The following ZNF318 variants were observed in gnomAD, a reference collection of about 807,000 sequenced individuals.
ZNF318 encodes zinc finger protein 318.
Under a neutral mutation model 124.2 loss-of-function variants are expected in ZNF318, and 51 were observed. The ratio of observed to expected loss-of-function variants is 0.41; its 90% confidence interval spans 0.33 to 0.52. The LOEUF (loss-of-function observed/expected upper bound fraction) is 0.52. ZNF318 is among the 20% of genes least tolerant of loss of function. The pLI is 0.23. For missense variants in ZNF318, 2,815 were observed against 2,811.2 expected (o/e 1.00, Z -0.03); for synonymous variants, 1,090 against 1,040.7 (o/e 1.05, Z -0.91).
At chr6:43,362,979 A>C in intron 2 of ZNF318, among the ~76,000 whole-genome samples, 1 of 152,192 alleles carries the variant, frequency 6.6e-6, no homozygotes, top group East Asian at 1.9e-4. Context: ...GTAGGGGGCA[A>C]CAGTATTTTT....
In ZNF318 at chr6:43,337,353, T is replaced by G; in HGVS notation, c.6645A>C (p.Ala2215=). 6.2e-7 allele frequency: 1 copy of G among 1,614,178 alleles called. No homozygotes were observed. The highest frequency in any genetic ancestry group is 8.5e-7 in the Non-Finnish European group (1 of 1,180,018). ...LGPLQLEISN[A]STTEVAILQV... ...GCAGAATTGCCACCTCTGTGGTGGA[T>G]GCATTCGATATTTCTAGCTGTAATG... is the stretch of plus-strand genomic sequence containing the variant. The change falls in exon 10 of 10, where the codon GCA becomes GCC. Residue 2215 remains alanine (A), a synonymous_variant. Transcript: ENST00000361428.
chr6:43,351,275 T>C (rs2150752901), intron 5 of ZNF318, among the ~76,000 whole-genome samples: 1 of 152,332 alleles, frequency 6.6e-6, no homozygotes, highest in African/African-American at 2.4e-5. Flanking sequence ...AATCTTGCAC[T>C]TTGTTTTGCT....
chr6:43,357,013 G>A (rs968344716), intron 3 of ZNF318, 113 bp downstream of exon 3: 23 of 1,270,130 alleles, frequency 1.8e-5, no homozygotes, highest in Non-Finnish European at 2.4e-5. Context: ...TCACAATGTC[G>A]GTCCAGCACA....
At position 43,337,913 on chromosome 6, in the gene ZNF318, C is replaced by A; in HGVS notation, c.6085G>T (p.Val2029Leu). The A allele has an allele frequency of 1.2e-6, 2 of 1,614,202 alleles. No homozygotes were observed. Among genetic ancestry groups the A allele is most frequent in the Non-Finnish European group, 8.5e-7 (1 of 1,180,034 alleles). The part of the protein sequence containing the change: ...DMPVDFCTTR[V>L]SPAHRSPTVL... ...GTTGGGGATCTATGTGCTGGGCTTA[C>A]CCGAGTAGTGCAGAAATCAACAGGC... is the stretch of plus-strand genomic sequence containing the variant. Residue 2029 changes from valine to leucine, a missense_variant, in exon 10 of 10, where the codon GTA becomes TTA. By Grantham distance (32) the Val-to-Leu change is conservative. Coordinates refer to ENST00000361428, the MANE Select transcript of ZNF318 (RefSeq NM_014345.3).
intron 9 of ZNF318, 87 bp downstream of exon 9, chr6:43,340,703 C>A (rs1779363397): frequency 4.6e-6 from 7 of 1,531,792 alleles, no homozygotes; most frequent in Admixed American, 3.6e-5. Context: ...GTGTCAATGG[C>A]TTTTTCTGGC....
intron 1 of ZNF318, among the ~76,000 whole-genome samples, chr6:43,366,293 G>T (rs913873554): frequency 3.9e-5 from 6 of 152,218 alleles, no homozygotes; most frequent in Non-Finnish European, 5.9e-5. Context: ...CAAAGTGACA[G>T]AAGAGGAAAA....
At chr6:43,349,440 G>A (rs1407060784) in intron 5 of ZNF318, among the ~76,000 whole-genome samples, 1 of 147,302 alleles carries the variant, frequency 6.8e-6, no homozygotes, top group East Asian at 2.0e-4. Flanking sequence ...CACCAGGCTG[G>A]TCTTGAACTC....
chr6:43,355,141 C>T lies in ZNF318; in HGVS notation c.2193G>A (p.Gly731=). ...HISGPEVVGS[G]FQSSVAVRCM... ...ACCTGACTGCAACAGATGACTGAAA[C>T]CCACTACCAACCACCTCTGGTCCTG... Residue 731 remains glycine (G), a synonymous_variant, in exon 4 of 10, where the codon GGG becomes GGA. Transcript: ENST00000361428. 1 of 1,614,184 alleles carries T rather than the reference C, an allele frequency of 6.2e-7. No individual in the cohort carries two copies. Among genetic ancestry groups the T allele is most frequent in the Non-Finnish European group, 8.5e-7 (1 of 1,180,040 alleles).
intron 9 of ZNF318, 33 bp from the exon 10 acceptor site, chr6:43,340,535 G>A: frequency 6.5e-7 from 1 of 1,549,252 alleles, no homozygotes; most frequent in Non-Finnish European, 8.7e-7. Context: ...CTCAAAAACT[G>A]GTGAAAATAC....
chr6:43,349,015 T>C (rs578014582), intron 5 of ZNF318, among the ~76,000 whole-genome samples: 15 of 152,282 alleles, frequency 9.9e-5, no homozygotes, highest in African/African-American at 2.4e-4. Flanking sequence ...GCCTGGGTGA[T>C]AGTGAGAGAC....
Position 43,338,124 on chromosome 6 carries a change from A to G in ZNF318, c.5874T>C (p.Val1958=). ...FQVKKIYELA[V]WDENKKRPET... ...CTGGCCTCTTCTTGTTTTCATCCCA[A>G]ACAGCCAACTCATAGATCTTTTTAA... The change falls in exon 10 of 10, where the codon GTT becomes GTC. Residue 1958 remains valine, a synonymous_variant. Transcript: ENST00000361428. The G allele has an allele frequency of 6.2e-7, 1 of 1,613,314 alleles. No homozygotes were observed. The highest frequency in any genetic ancestry group is 8.5e-7 in the Non-Finnish European group (1 of 1,179,838).
chr6:43,359,633 T>C (rs1229913415), intron 2 of ZNF318, among the ~76,000 whole-genome samples: 1 of 152,234 alleles, frequency 6.6e-6, no homozygotes, highest in African/African-American at 2.4e-5. Flanking sequence ...TCCTTAGTTT[T>C]TTTAGTAGTT....
chr6:43,339,410 T>A lies in ZNF318; in HGVS notation c.4588A>T (p.Thr1530Ser), dbSNP rs1779338284. The A allele has an allele frequency of 1.9e-6, 3 of 1,611,664 alleles. No individual in the cohort carries two copies. The African/African-American group carries it at 4.1e-5, about 22-fold the overall frequency. The change falls in exon 10 of 10, where the codon ACC (threonine) becomes TCC (serine). Residue 1530 changes from threonine to serine, a missense_variant. This residue lies in a region of ZNF318 where 500 missense variants were observed against 605.2 expected (regional missense o/e 0.83). Coordinates refer to ENST00000361428, the MANE Select transcript of ZNF318 (RefSeq NM_014345.3). The surrounding 1 kb of genome is among the most constrained non-coding windows in gnomAD (Gnocchi z 4.2). Reference protein sequence around the residue: ...PGVSESDRDQTLFSVLVRPPP... With the variant: ...PGVSESDRDQSLFSVLVRPPP... ...GGACGTACTAACACAGAGAACAGGG[T>A]CTGGTCTCGGTCACTCTCACTCACC...
Position 43,337,443 on chromosome 6 carries a change from A to T in ZNF318, c.6555T>A (p.Asp2185Glu). Residue 2185 changes from aspartate to glutamate, a missense_variant, in exon 10 of 10, where the codon GAT (aspartate) becomes GAA (glutamate). Around this residue, in one of 4 missense-constraint regions of ZNF318, gnomAD observed 927 missense variants for 820.6 expected, o/e 1.13. Coordinates refer to ENST00000361428, the MANE Select transcript of ZNF318 (RefSeq NM_014345.3). The part of the protein sequence containing the change: ...FVTRTSGVQK[D>E]KLCSPLSEPG... ...GCTCAGAGAGTGGAGAACACAGTTT[A>T]TCTTTTTGAACTCCAGAGGTCCGTG... 1.2e-6 allele frequency: 2 copies of T among 1,614,196 alleles called. No individual in the cohort carries two copies. The highest frequency in any genetic ancestry group is 8.5e-7 in the Non-Finnish European group (1 of 1,180,024).
At chr6:43,342,381 A>G (rs1019121185) in intron 7 of ZNF318, among the ~76,000 whole-genome samples, 170 bp from the exon 8 acceptor site, 3 of 150,998 alleles carry the variant, frequency 2.0e-5, no homozygotes, top group Non-Finnish European at 4.4e-5. Flanking sequence ...AAAGGTAAAC[A>G]CATGTTAGAG....
chr6:43,337,291 A>C lies in ZNF318; in HGVS notation c.6707T>G (p.Val2236Gly), dbSNP rs1779294844. 2 of 1,614,014 alleles carry C rather than the reference A, an allele frequency of 1.2e-6. No homozygotes were observed. Among genetic ancestry groups the C allele is most frequent in the East Asian group, 4.5e-5 (2 of 44,886 alleles). Residue 2236 changes from valine to glycine, a missense_variant, in exon 10 of 10, where the codon GTT becomes GGT. Transcript: ENST00000361428. ...DDDSGDPLNL[V>G]KAPVSRSPPR... ...AGGGGACCTTGACACTGGAGCTTTA[A>C]CCAAATTCAGAGGGTCGCCACTGTC...
At chr6:43,363,547 C>G in intron 2 of ZNF318, 1 of 254,380 alleles carries the variant, frequency 3.9e-6, no homozygotes, top group Non-Finnish European at 7.4e-6. Context: ...CAGCTGTGGA[C>G]AGGGCTGAGG....
rs1171836562 is a variant in ZNF318 at position 43,340,850 on chromosome 6, C to T, written c.3435G>A (p.Leu1145=). 1.2e-6 allele frequency: 2 copies of T among 1,613,996 alleles called. No individual in the cohort carries two copies. The highest frequency in any genetic ancestry group is 1.7e-6 in the Non-Finnish European group (2 of 1,180,018). Reference sequence around the variant, plus strand: ...GTTGCTCCCCAGAAATTGGATCCCCCAAAAATTCCTCACAGAGCTGGCAAT... The same window carrying T: ...GTTGCTCCCCAGAAATTGGATCCCCTAAAAATTCCTCACAGAGCTGGCAAT... The part of the protein sequence containing the change: ...GFYCQLCEEF[L]GDPISGEQHV... Residue 1145 remains leucine (L), a synonymous_variant, in exon 9 of 10, where the codon TTG becomes TTA. Coordinates refer to ENST00000361428, the MANE Select transcript of ZNF318 (RefSeq NM_014345.3).
intron 1 of ZNF318, among the ~76,000 whole-genome samples, chr6:43,365,749 A>G (rs973998260): frequency 1.3e-5 from 2 of 152,254 alleles, no homozygotes; most frequent in Non-Finnish European, 2.9e-5. Context: ...GCACCACAGC[A>G]CTTCAGCCTG....
Sources: gnomAD v4.1 joint callset for allele counts (sites outside exome capture counted in the v4.1 genomes callset) on GRCh38, gnomAD v4.1.1 for gene constraint, gnomAD v4.1.1 regional missense constraint, Gnocchi (gnomAD v3.1) non-coding constraint, MANE v1.5 for transcripts, NCBI Gene and HGNC (gene_info 2026-07-23, HGNC 2026-07-21) for gene names.